The following NXPE2 variants were observed in gnomAD, a reference collection of about 807,000 sequenced individuals.
The protein encoded by NXPE2 is neurexophilin and PC-esterase domain family member 2, also known as NXPE family member 2.
NXPE2 carries 34 observed loss-of-function variants against 34.4 expected under a neutral mutation model. The ratio of observed to expected loss-of-function variants is 0.99; its 90% CI spans 0.75 to 1.31. The LOEUF (loss-of-function observed/expected upper bound fraction) is 1.31. Ranked by LOEUF, NXPE2 falls within the 40% of genes most tolerant of loss-of-function variation. The probability of loss-of-function intolerance (pLI) is 0.00; values close to 1 mark genes in which losing one functional copy is unlikely to be tolerated. For synonymous variants in NXPE2, 235 were observed against 231.3 expected (o/e 1.02, Z -0.15); for missense variants, 649 against 672.5 (o/e 0.97, Z 0.39).
At chr11:114,469,527 T>G in the NXPE2 span, among the ~76,000 whole-genome samples, 1 of 151,746 alleles carries the variant, frequency 6.6e-6, no homozygotes, top group South Asian at 2.1e-4. Flanking sequence ...TCTCGCACTC[T>G]CGCCTGGGCT....
the NXPE2 span, among the ~76,000 whole-genome samples, chr11:114,469,677 G>C: frequency 6.6e-6 from 1 of 151,564 alleles, no homozygotes; most frequent in Non-Finnish European, 1.5e-5. Flanking sequence ...ATTTTTAGTA[G>C]AGACGGGATT....
the NXPE2 span, among the ~76,000 whole-genome samples, chr11:114,655,214 C>T: frequency 1.3e-5 from 2 of 152,222 alleles, 1 homozygote; most frequent in South Asian, 4.2e-4. Flanking sequence ...CTTGTAAATG[C>T]TGGATATTAA....
At chr11:114,775,188 C>T in the NXPE2 span, among the ~76,000 whole-genome samples, 1 of 152,200 alleles carries the variant, frequency 6.6e-6, no homozygotes, top group Non-Finnish European at 1.5e-5. Flanking sequence ...TTGTCGCTGT[C>T]TTCCTTCCTC....
At chr11:114,486,617 T>C in the NXPE2 span, among the ~76,000 whole-genome samples, 1 of 152,188 alleles carries the variant, frequency 6.6e-6, no homozygotes, top group African/African-American at 2.4e-5. Flanking sequence ...CTTCTAGTAG[T>C]TTCATAGTTT....
chr11:114,489,401 C>CA, the NXPE2 span, among the ~76,000 whole-genome samples: 1 of 151,904 alleles, frequency 6.6e-6, no homozygotes, highest in East Asian at 1.9e-4. Flanking sequence ...AGAGACACAA[C>CA]AAAAAAAGAG....
the NXPE2 span, chr11:114,527,872 T>A: frequency 6.2e-7 from 1 of 1,606,698 alleles, no homozygotes; most frequent in Non-Finnish European, 8.5e-7. Flanking sequence ...GTGTTTACGA[T>A]CCTTCATCAT....
At chr11:114,568,992 G>C in the NXPE2 span, among the ~76,000 whole-genome samples, 1 of 151,986 alleles carries the variant, frequency 6.6e-6, no homozygotes, top group African/African-American at 2.4e-5. Flanking sequence ...AAAAAATGTT[G>C]ACCATCTGAG....
chr11:114,608,662 C>G, the NXPE2 span, among the ~76,000 whole-genome samples: 1 of 151,776 alleles, frequency 6.6e-6, no homozygotes, highest in East Asian at 2.0e-4. Context: ...CACTGTTACC[C>G]GGTGGATAAT....
chr11:114,588,259 T>C, the NXPE2 span, among the ~76,000 whole-genome samples: 235 of 152,278 alleles, frequency 1.5e-3, no homozygotes, highest in Non-Finnish European at 2.1e-3. Flanking sequence ...TCCCCTAGCT[T>C]CACTCTTATC....
the NXPE2 span, chr11:114,553,785 C>T: frequency 1.0e-6 from 1 of 983,392 alleles, no homozygotes; most frequent in Non-Finnish European, 1.2e-6. Flanking sequence ...TGAACCCAGC[C>T]TTTGCTGGCT....
the NXPE2 span, among the ~76,000 whole-genome samples, chr11:114,719,430 C>G: frequency 5.9e-5 from 9 of 152,188 alleles, no homozygotes; most frequent in Non-Finnish European, 1.2e-4. Context: ...TGGCAGAGGA[C>G]TGGGTGCCAC....
At chr11:114,580,633 A>G in the NXPE2 span, among the ~76,000 whole-genome samples, 41,352 of 152,066 alleles carry the variant, frequency 0.27, 5,731 homozygotes, top group East Asian at 0.4. Flanking sequence ...CTTTTCTATG[A>G]AACTAAAGTC....
the NXPE2 span, among the ~76,000 whole-genome samples, chr11:114,605,610 G>A: frequency 1.1e-4 from 17 of 151,292 alleles, no homozygotes; most frequent in African/African-American, 2.4e-4. Context: ...ACTGTTACCC[G>A]GTGGATAATA....
At chr11:114,792,849 A>G in the NXPE2 span, among the ~76,000 whole-genome samples, 14 of 152,274 alleles carry the variant, frequency 9.2e-5, no homozygotes, top group African/African-American at 3.4e-4. Context: ...TGTGAGGTAG[A>G]TATTATTATT....
At chr11:114,647,820 G>C in the NXPE2 span, among the ~76,000 whole-genome samples, 6 of 151,814 alleles carry the variant, frequency 4.0e-5, no homozygotes, top group African/African-American at 1.5e-4. Context: ...TCCTGCCTCA[G>C]CCTTCTAAGT....
At chr11:114,804,812 A>C in the NXPE2 span, among the ~76,000 whole-genome samples, 2 of 152,174 alleles carry the variant, frequency 1.3e-5, no homozygotes, top group Non-Finnish European at 2.9e-5. Context: ...ATGTGGCTGG[A>C]GGAGGAAGAC....
At chr11:114,726,575 T>C in the NXPE2 span, among the ~76,000 whole-genome samples, 1 of 152,220 alleles carries the variant, frequency 6.6e-6, no homozygotes, top group Non-Finnish European at 1.5e-5. Flanking sequence ...TATACTTTCT[T>C]AGTTTTTGTA....
At chr11:114,500,030 C>A in the NXPE2 span, among the ~76,000 whole-genome samples, 1 of 151,304 alleles carries the variant, frequency 6.6e-6, no homozygotes, top group Non-Finnish European at 1.5e-5. Context: ...TCTAGATGAA[C>A]TTTTGGGTTG....
the NXPE2 span, among the ~76,000 whole-genome samples, chr11:114,627,100 A>G: frequency 6.6e-6 from 1 of 152,130 alleles, no homozygotes; most frequent in East Asian, 1.9e-4. Flanking sequence ...ACTCTGCAGG[A>G]TATTATCCAG....
Sources: allele counts gnomAD v4.1 joint callset (sites outside exome capture counted in the v4.1 genomes callset), GRCh38; gene constraint gnomAD v4.1.1; transcripts MANE v1.5; gene names NCBI Gene and HGNC (gene_info 2026-07-23, HGNC 2026-07-21).